The following PLCD1 variants were observed in gnomAD, a reference collection of about 807,000 sequenced individuals.
The protein encoded by PLCD1 is phospholipase C delta 1, also known as 1-phosphatidylinositol 4,5-bisphosphate phosphodiesterase delta-1.
PLCD1 carries 71 observed loss-of-function variants against 87.4 expected under a neutral mutation model. The ratio of observed to expected loss-of-function variants is 0.81; its 90% CI spans 0.67 to 0.99. The LOEUF is 0.99. Ranked by LOEUF, PLCD1 falls within the 50% of genes least tolerant of loss-of-function variation. PLCD1 has a pLI of 0.00. For synonymous variants in PLCD1, 348 were observed against 399.2 expected, an observed-to-expected ratio of 0.87 and a Z score of 1.53; for missense variants, 867 against 1,001.5, an observed-to-expected ratio of 0.87 and a Z score of 1.81.
Position 38,007,686 on chromosome 3 carries a change from G to T in PLCD1, c.*87C>A. 9.8e-7 allele frequency: 1 copy of T among 1,018,828 alleles called. No homozygotes were observed. The highest frequency in any genetic ancestry group is 1.5e-6 in the Non-Finnish European group (1 of 647,288). 63.1% of individuals were successfully genotyped at this position (1,018,828 alleles called of 1,614,324 possible). Reference sequence around the variant, plus strand: ...TTTGGGGGCCTAGCTCTGAGCAAGAGGCTGGGAGCAGCCACACCAGCCCTG... The same window carrying T: ...TTTGGGGGCCTAGCTCTGAGCAAGATGCTGGGAGCAGCCACACCAGCCCTG... On this transcript the variant is annotated 3_prime_UTR_variant, in exon 15 of 15. Coordinates refer to ENST00000334661, the MANE Select transcript of PLCD1 (RefSeq NM_006225.4).
At position 38,009,849 on chromosome 3, in the gene PLCD1, C is replaced by T. The variant is rs377680826; in HGVS notation, c.1288-38G>A. On this transcript the variant is annotated intron_variant, in intron 8 of 14. Coordinates refer to ENST00000334661, the MANE Select transcript of PLCD1 (RefSeq NM_006225.4). The stretch of plus-strand genomic sequence containing the variant: ...GGGCAACTGGTCAAGACACACCTAG[C>T]GCCCCGGCTAGGCTCCCCACCCTCC... 2.5e-5 allele frequency: 40 copies of T among 1,611,716 alleles called. No homozygotes were observed. In the African/African-American group the frequency reaches 2.5e-4, roughly 10 times the overall value.
At chr3:38,009,509 G>T in intron 9 of PLCD1, 78 bp from the exon 10 acceptor site, 1 of 1,572,446 alleles carries the variant, frequency 6.4e-7, no homozygotes, top group Non-Finnish European at 8.7e-7. Context: ...AAACCCAGGC[G>T]CAGAGAGACA....
At position 38,017,994 on chromosome 3, in the gene PLCD1, C is replaced by T. The variant is rs1411717496; in HGVS notation, c.200-1275G>A. Among the ~76,000 whole-genome samples the T allele has an allele frequency of 2.0e-5, 3 of 152,194 alleles. No individual in the cohort carries two copies. Among genetic ancestry groups the T allele is most frequent in the Admixed American group, 6.5e-5 (1 of 15,286 alleles). ...CAGGAAGCCTGAGCCATGGGACCCCCACCCAAGGCCAGCGCCCTCACCCAC... is the reference window on the plus strand; with the variant it reads ...CAGGAAGCCTGAGCCATGGGACCCCTACCCAAGGCCAGCGCCCTCACCCAC... On this transcript the variant is annotated intron_variant, in intron 2 of 14. Transcript: ENST00000334661. This position sits in a 1 kb window ranked among gnomAD's most constrained non-coding sequence, Gnocchi z 4.7.
intron 3 of PLCD1, among the ~76,000 whole-genome samples, chr3:38,016,029 T>A (rs1367698175): frequency 6.6e-6 from 1 of 152,124 alleles, no homozygotes; most frequent in East Asian, 1.9e-4. Context: ...CTTCCCTCCT[T>A]CCCTTCTGAA....
intron 3 of PLCD1, among the ~76,000 whole-genome samples, chr3:38,012,356 G>T (rs945130067): frequency 2.0e-5 from 3 of 151,842 alleles, no homozygotes; most frequent in Non-Finnish European, 2.9e-5. Context: ...TAAAGAAATG[G>T]ATATTCCACC....
Position 38,011,453 on chromosome 3 carries a change from G to C in PLCD1, c.559-8C>G. 1 of 1,613,500 alleles carries C rather than the reference G, an allele frequency of 6.2e-7. No individual in the cohort carries two copies. The highest frequency in any genetic ancestry group is 8.5e-7 in the Non-Finnish European group (1 of 1,179,384). ...CTGGGAGTGGTCACACTCCTGCAGA[G>C]CCAGGACAGCCGAGTGGGCTCAGAG... On this transcript the variant is annotated splice_polypyrimidine_tract_variant and splice_region_variant and intron_variant, in intron 4 of 14. Transcript: ENST00000334661.
intron 5 of PLCD1, among the ~76,000 whole-genome samples, 159 bp downstream of exon 5, chr3:38,011,055 G>T (rs974985688): frequency 7.2e-5 from 11 of 152,348 alleles, no homozygotes; most frequent in African/African-American, 2.6e-4. Context: ...CTCATCTGCC[G>T]GCTTTCATAG....
Position 38,009,927 on chromosome 3 carries a change from T to C in PLCD1, c.1264A>G (p.Thr422Ala), listed in dbSNP as rs1017740486. 1.9e-6 allele frequency: 3 copies of C among 1,611,304 alleles called. No individual in the cohort carries two copies. The highest frequency in any genetic ancestry group is 2.5e-6 in the Non-Finnish European group (3 of 1,178,618). The change falls in exon 8 of 15, where the codon ACC becomes GCC. Residue 422 changes from threonine to alanine, a missense_variant. Thr to Ala is a moderately conservative substitution (Grantham distance 58, BLOSUM62 0). Coordinates refer to ENST00000334661, the MANE Select transcript of PLCD1 (RefSeq NM_006225.4). ...MLLNRPLDGV[T>A]NSLPSPEQLK... is the part of the protein sequence containing the mutation. ...ACCTCAGGGGAGGGCAGGCTGTTGGTGACCCCATCCAGTGGTCGGTTCAAC... is the reference window on the plus strand; with the variant it reads ...ACCTCAGGGGAGGGCAGGCTGTTGGCGACCCCATCCAGTGGTCGGTTCAAC...
chr3:38,026,428 A>G (rs1167543871), intron 1 of PLCD1, among the ~76,000 whole-genome samples: 2 of 152,220 alleles, frequency 1.3e-5, no homozygotes, highest in African/African-American at 4.8e-5. Flanking sequence ...CTGAGGCAAG[A>G]CAATCCCTTG....
At chr3:38,029,264 C>CGCCCGCCCGG (rs1482406518) in intron 1 of PLCD1, among the ~76,000 whole-genome samples, 1 of 151,662 alleles carries the variant, frequency 6.6e-6, no homozygotes, top group Non-Finnish European at 1.5e-5. Flanking sequence ...CCGTACCGCC[C>CGCCCGCCCGG]GCCCACCCAC....
At chr3:38,007,893 G>A (rs1226058490) in intron 14 of PLCD1, 35 bp from the exon 15 acceptor site, 1 of 1,609,410 alleles carries the variant, frequency 6.2e-7, no homozygotes. Flanking sequence ...AACACAGAGA[G>A]AGTTCTGGTC....
chr3:38,011,349 C>G lies in PLCD1; in HGVS notation c.655G>C (p.Ala219Pro). The change falls in exon 5 of 15, where the codon GCC (alanine) becomes CCC (proline). Residue 219 changes from alanine (A) to proline (P), a missense_variant. Physicochemically the swap from Ala to Pro is conservative, Grantham distance 27. Transcript: ENST00000334661. ...TQRVEIDRTFAEAAGSGETLS... is the reference protein window; with the variant it reads ...TQRVEIDRTFPEAAGSGETLS... ...GTCTCCCCTGAGCCCGCGGCCTCGGCGAAGGTGCGGTCGATCTCCACCCGC... is the reference window on the plus strand; with the variant it reads ...GTCTCCCCTGAGCCCGCGGCCTCGGGGAAGGTGCGGTCGATCTCCACCCGC... 6.2e-7 allele frequency: 1 copy of G among 1,612,774 alleles called. No homozygotes were observed. The highest frequency in any genetic ancestry group is 8.5e-7 in the Non-Finnish European group (1 of 1,180,030).
Position 38,009,174 on chromosome 3 carries a change from G to C in PLCD1, c.1607-16C>G. 6.2e-7 allele frequency: 1 copy of C among 1,613,598 alleles called. No homozygotes were observed. Among genetic ancestry groups the C allele is most frequent in the East Asian group, 2.2e-5 (1 of 44,872 alleles). ...AAGCCGTTTCCTGAGGGGAGGTGTG[G>C]TTCGGTCAGCAGTGGAGGCCTCCTG... On this transcript the variant is annotated splice_polypyrimidine_tract_variant and intron_variant, in intron 10 of 14. Coordinates refer to ENST00000334661, the MANE Select transcript of PLCD1 (RefSeq NM_006225.4).
chr3:38,009,020 T>C, intron 11 of PLCD1, 22 bp downstream of exon 11: 1 of 1,591,754 alleles, frequency 6.3e-7, no homozygotes, highest in Non-Finnish European at 8.6e-7. Context: ...CCAGGCCTCC[T>C]CCAGCCCCAG....
At chr3:38,026,543 T>A (rs947854784) in intron 1 of PLCD1, among the ~76,000 whole-genome samples, 34 of 152,212 alleles carry the variant, frequency 2.2e-4, no homozygotes, top group Admixed American at 6.5e-4. Flanking sequence ...AATAAATAAA[T>A]AAAAACATAA....
At position 38,009,807 on chromosome 3, in the gene PLCD1, A is replaced by C; in HGVS notation, c.1292T>G (p.Leu431Arg). Residue 431 changes from leucine to arginine, a missense_variant, in exon 9 of 15, where the codon CTG (leucine) becomes CGG (arginine). Coordinates refer to ENST00000334661, the MANE Select transcript of PLCD1 (RefSeq NM_006225.4). ...CCCCTTCAGCAGGATCTTCCCCTTCAGTTGCTAGGTGGGGAGGGGCAACTG... is the reference window on the plus strand; with the variant it reads ...CCCCTTCAGCAGGATCTTCCCCTTCCGTTGCTAGGTGGGGAGGGGCAACTG... ...VTNSLPSPEQ[L>R]KGKILLKGKK... 3 of 1,613,840 alleles carry C rather than the reference A, an allele frequency of 1.9e-6. No individual in the cohort carries two copies. The highest frequency in any genetic ancestry group is 2.5e-6 in the Non-Finnish European group (3 of 1,179,964).
chr3:38,016,834 G>C, intron 2 of PLCD1, 115 bp from the exon 3 acceptor site: 1 of 784,738 alleles, frequency 1.3e-6, no homozygotes, highest in Non-Finnish European at 2.2e-6. Context: ...CACAGAGCCA[G>C]GGCCGGAGCT....
Position 38,007,662 on chromosome 3 carries a change from T to C in PLCD1, c.*111A>G, listed in dbSNP as rs542837662. 28 of 834,080 alleles carry C rather than the reference T, an allele frequency of 3.4e-5. No individual in the cohort carries two copies. The highest frequency in any genetic ancestry group is 5.7e-5 in the South Asian group (4 of 70,746). The allele number at this position is 834,080 out of a possible 1,614,324, so 51.7% of individuals were successfully genotyped here. A position where few individuals can be genotyped will look rare whatever the true frequency, so the allele number is the denominator to read the frequency against. On this transcript the variant is annotated 3_prime_UTR_variant, in exon 15 of 15. Transcript: ENST00000334661. ...ACACTATGTTAGGGCTGAAGGCAAT[T>C]TGGGGGCCTAGCTCTGAGCAAGAGG...
Position 38,009,304 on chromosome 3 carries a change from T to C in PLCD1, c.1574A>G (p.Glu525Gly). The change falls in exon 10 of 15, where the codon GAG becomes GGG. Residue 525 changes from glutamate to glycine, a missense_variant. Glu to Gly is a moderately conservative substitution (Grantham distance 98, BLOSUM62 -2). Transcript: ENST00000334661. ...QAFYEMASFS[E>G]NRALRLLQES... ...TTGGAGCAGTCGAAGGGCACGGTTC[T>C]CAGAGAAGGACGCCATCTCGTAGAA... 6.2e-7 allele frequency: 1 copy of C among 1,614,166 alleles called. No individual in the cohort carries two copies. The highest frequency in any genetic ancestry group is 8.5e-7 in the Non-Finnish European group (1 of 1,180,028).
Sources: allele counts gnomAD v4.1 joint callset (sites outside exome capture counted in the v4.1 genomes callset), GRCh38; gene constraint gnomAD v4.1.1; non-coding constraint Gnocchi (gnomAD v3.1); transcripts MANE v1.5; gene names NCBI Gene and HGNC (gene_info 2026-07-23, HGNC 2026-07-21).